Variants in BMPR1B observed in about 807,000 individuals in gnomAD.
The protein encoded by BMPR1B is bone morphogenetic protein receptor type 1B.
A neutral mutation model predicts 59.1 loss-of-function variants in BMPR1B; 12 were observed. That is an observed-to-expected ratio of 0.20 (90% CI 0.13 to 0.33). BMPR1B has a LOEUF of 0.33. Ranked by LOEUF, BMPR1B falls within the 10% of genes least tolerant of loss-of-function variation. The pLI, the probability that BMPR1B is intolerant of heterozygous loss-of-function variation, is 1.00. For synonymous variants in BMPR1B, 237 were observed against 207.3 expected (o/e 1.14, Z -1.23); for missense variants, 550 against 610.9 (o/e 0.90, Z 1.05).
At chr4:94,842,704 GT>G (rs1258327111) in intron 1 of BMPR1B, among the ~76,000 whole-genome samples, 1 of 152,092 alleles carries the variant, frequency 6.6e-6, no homozygotes, top group Non-Finnish European at 1.5e-5. Flanking sequence ...CTGTGAATGT[GT>G]TTATTAGCTG....
intron 3 of BMPR1B, among the ~76,000 whole-genome samples, chr4:95,020,034 A>T (rs1723860070): frequency 6.6e-6 from 1 of 152,158 alleles, no homozygotes; most frequent in Non-Finnish European, 1.5e-5. Flanking sequence ...TATAATAATA[A>T]AGTTTGATTA....
intron 3 of BMPR1B, among the ~76,000 whole-genome samples, chr4:95,100,001 C>T (rs1277785566): frequency 6.6e-6 from 1 of 152,098 alleles, no homozygotes; most frequent in Non-Finnish European, 1.5e-5. Context: ...ATACATAAGT[C>T]GTTTTATTAA....
chr4:94,827,553 T>C (rs535171057), intron 1 of BMPR1B, among the ~76,000 whole-genome samples: 2 of 152,266 alleles, frequency 1.3e-5, no homozygotes, highest in African/African-American at 4.8e-5. Context: ...CAGACAAAAA[T>C]GTCTTTCCTT....
At chr4:94,810,896 T>C (rs1441614290) in intron 1 of BMPR1B, among the ~76,000 whole-genome samples, 1 of 152,194 alleles carries the variant, frequency 6.6e-6, no homozygotes, top group African/African-American at 2.4e-5. Flanking sequence ...TCATCAGTCA[T>C]GTGTGCGTGT....
rs1318967147 is a variant in BMPR1B, at chr4:94,762,863, T to A, written c.-183+4795T>A. Among the ~76,000 whole-genome samples, 12 of 152,100 alleles carry A rather than the reference T, an allele frequency of 7.9e-5. No individual in the cohort carries two copies. In the East Asian group the frequency reaches 2.1e-3, roughly 27 times the overall value. On this transcript the variant is annotated intron_variant, in intron 1 of 12. Coordinates refer to ENST00000515059, the MANE Select transcript of BMPR1B (RefSeq NM_001203.3). ...GAGTTGAATCATCAGTTTTTGTTTT[T>A]TTTTTTTTGCGGGGCTGGGGGCTGG...
chr4:95,125,345 C>T (rs1732832645), intron 8 of BMPR1B, among the ~76,000 whole-genome samples: 1 of 152,158 alleles, frequency 6.6e-6, no homozygotes, highest in South Asian at 2.1e-4. Flanking sequence ...TCCAGACCCT[C>T]AGACATTCTG....
intron 3 of BMPR1B, among the ~76,000 whole-genome samples, chr4:95,020,577 CAA>C (rs10549500): frequency 0.69 from 85,370 of 123,752 alleles, 29,503 homozygotes; most frequent in East Asian, 0.84. Flanking sequence ...GACTCCATCT[CAA>C]AAAAAAAAAA....
At chr4:94,926,713 T>C (rs1029312089) in intron 2 of BMPR1B, among the ~76,000 whole-genome samples, 1 of 152,082 alleles carries the variant, frequency 6.6e-6, no homozygotes, top group Non-Finnish European at 1.5e-5. Flanking sequence ...TATAGGGGTG[T>C]GTGTGTGTGT....
intron 3 of BMPR1B, among the ~76,000 whole-genome samples, chr4:95,003,266 AAT>A (rs1396432001): frequency 3.3e-5 from 5 of 152,200 alleles, no homozygotes; most frequent in Admixed American, 1.3e-4. Flanking sequence ...TTTTCTGACC[AAT>A]ACTTCAGCAC....
chr4:95,131,193 T>C, intron 9 of BMPR1B, 22 bp from the exon 10 acceptor site: 1 of 1,608,194 alleles, frequency 6.2e-7, no homozygotes, highest in Non-Finnish European at 8.5e-7. Flanking sequence ...ACACTAAACC[T>C]TTTCATCTTT....
intron 3 of BMPR1B, among the ~76,000 whole-genome samples, chr4:95,076,182 G>A (rs1728693545): frequency 6.6e-6 from 1 of 152,058 alleles, no homozygotes; most frequent in African/African-American, 2.4e-5. Context: ...AGGATGAACT[G>A]ATGCTTTGAT....
At chr4:94,877,114 G>A (rs1009018539) in intron 2 of BMPR1B, among the ~76,000 whole-genome samples, 3 of 152,212 alleles carry the variant, frequency 2.0e-5, no homozygotes, top group Middle Eastern at 3.4e-3. Flanking sequence ...AGTTTCAGTT[G>A]GGCCACATAT....
intron 4 of BMPR1B, among the ~76,000 whole-genome samples, chr4:95,108,486 G>A (rs760445332): frequency 1.2e-4 from 18 of 152,024 alleles, no homozygotes; most frequent in Admixed American, 1.3e-4. Context: ...AGAGTGAATA[G>A]TACTTAAAAG....
chr4:94,822,657 G>A (rs1724249146), intron 1 of BMPR1B, among the ~76,000 whole-genome samples: 1 of 152,094 alleles, frequency 6.6e-6, no homozygotes, highest in South Asian at 2.1e-4. Flanking sequence ...GGGCTGTAAT[G>A]GATGTGGCTT....
At chr4:94,808,925 GT>G (rs1168362944) in intron 1 of BMPR1B, among the ~76,000 whole-genome samples, 2 of 151,968 alleles carry the variant, frequency 1.3e-5, no homozygotes, top group East Asian at 3.9e-4. Context: ...TGTGGTGGGG[GT>G]TGCCTGTAGT....
At chr4:94,892,957 A>C (rs1474885361) in intron 2 of BMPR1B, among the ~76,000 whole-genome samples, 1 of 152,018 alleles carries the variant, frequency 6.6e-6, no homozygotes, top group Middle Eastern at 3.2e-3. Context: ...TTCATCTGTA[A>C]AGTGGGGATA....
At chr4:94,795,303 T>C (rs931489181) in intron 1 of BMPR1B, among the ~76,000 whole-genome samples, 1 of 149,506 alleles carries the variant, frequency 6.7e-6, no homozygotes, top group Non-Finnish European at 1.5e-5. Context: ...TTTGGCTCTG[T>C]TTATATGCTG....
intron 3 of BMPR1B, among the ~76,000 whole-genome samples, chr4:95,076,327 A>G (rs1397297771): frequency 6.6e-6 from 1 of 152,126 alleles, no homozygotes; most frequent in Non-Finnish European, 1.5e-5. Context: ...TTGCTAATGT[A>G]AAACTACTAT....
chr4:95,149,590 C>T (rs575744904), intron 11 of BMPR1B, among the ~76,000 whole-genome samples: 28 of 152,122 alleles, frequency 1.8e-4, no homozygotes, highest in Non-Finnish European at 3.1e-4. Flanking sequence ...AGTCTGTCTT[C>T]GAGTAAATTC....
Sources: allele counts gnomAD v4.1 joint callset (sites outside exome capture counted in the v4.1 genomes callset), GRCh38; gene constraint gnomAD v4.1.1; transcripts MANE v1.5; gene names NCBI Gene and HGNC (gene_info 2026-07-23, HGNC 2026-07-21).